The following GPC3 variants were observed in gnomAD, a reference collection of about 807,000 sequenced individuals.
GPC3 encodes glypican 3.
Under a neutral mutation model 34.4 loss-of-function variants are expected in GPC3, and 3 were observed. That is an observed-to-expected ratio of 0.09 (90% CI 0.04 to 0.23). GPC3 has a LOEUF of 0.23. GPC3 is among the 10% of genes least tolerant of loss of function. The pLI is 1.00. For synonymous variants in GPC3, 177 were observed against 174.0 expected (o/e 1.02, Z -0.13); for missense variants, 351 against 445.6 (o/e 0.79, Z 1.91).
intron 6 of GPC3, among the ~76,000 whole-genome samples, chrX:133,598,677 G>C (rs2069948359): frequency 8.9e-6 from 1 of 111,919 alleles, no homozygotes; most frequent in Non-Finnish European, 1.9e-5. Flanking sequence ...TCAACAAGTA[G>C]TTAGTTGCAG....
At chrX:133,796,045 AC>A (rs2075578705) in intron 2 of GPC3, among the ~76,000 whole-genome samples, 1 of 102,114 alleles carries the variant, frequency 9.8e-6, no homozygotes, top group Non-Finnish European at 2.0e-5. Flanking sequence ...TCCCGGGTTC[AC>A]GCCATTCTCC....
intron 2 of GPC3, among the ~76,000 whole-genome samples, chrX:133,868,343 G>A (rs1015113602): frequency 2.7e-5 from 3 of 112,214 alleles, no homozygotes; most frequent in African/African-American, 9.7e-5. Flanking sequence ...CTGTGAGGGG[G>A]ATCAGGGAAC....
intron 2 of GPC3, among the ~76,000 whole-genome samples, chrX:133,829,350 G>T (rs1307432735): frequency 8.9e-6 from 1 of 112,200 alleles, no homozygotes; most frequent in African/African-American, 3.2e-5. Context: ...GAAAGAAATA[G>T]ACAATTCAAC....
intron 2 of GPC3, among the ~76,000 whole-genome samples, chrX:133,889,192 C>T (rs1438272664): frequency 1.8e-5 from 2 of 112,183 alleles, no homozygotes; most frequent in African/African-American, 6.5e-5. Context: ...TTTTTCCCCA[C>T]TTGAATAGCT....
At chrX:133,816,220 T>TA (rs1387291658) in intron 2 of GPC3, among the ~76,000 whole-genome samples, 7 of 110,183 alleles carry the variant, frequency 6.4e-5, no homozygotes, top group South Asian at 4.0e-4. Context: ...GCCTGGCTAG[T>TA]AAAAAAAACA....
At chrX:133,705,605 A>G (rs2071208717) in intron 3 of GPC3, among the ~76,000 whole-genome samples, 1 of 111,711 alleles carries the variant, frequency 9.0e-6, no homozygotes, top group Admixed American at 9.5e-5. Context: ...TGATTCTAAA[A>G]CCTATGTTTT....
chrX:133,571,860 G>A (rs1317148267), intron 7 of GPC3, among the ~76,000 whole-genome samples: 2 of 112,187 alleles, frequency 1.8e-5, no homozygotes, highest in Non-Finnish European at 3.8e-5. Flanking sequence ...CTGTAGTTCT[G>A]TTCTTAATCC....
intron 6 of GPC3, among the ~76,000 whole-genome samples, chrX:133,647,883 G>A (rs1045046511): frequency 4.4e-5 from 5 of 112,530 alleles, no homozygotes; most frequent in Non-Finnish European, 1.9e-5. Context: ...TTGATTAAAA[G>A]TAATAGTTAA....
At chrX:133,584,715 G>A (rs2069768416) in intron 7 of GPC3, among the ~76,000 whole-genome samples, 1 of 111,007 alleles carries the variant, frequency 9.0e-6, no homozygotes, top group South Asian at 3.9e-4. Flanking sequence ...CTATGCTCAA[G>A]TAATCCATCC....
At chrX:133,919,522 G>A (rs1317625164) in intron 2 of GPC3, among the ~76,000 whole-genome samples, 1 of 111,554 alleles carries the variant, frequency 9.0e-6, no homozygotes, top group Non-Finnish European at 1.9e-5. Flanking sequence ...TAAAGGAAGA[G>A]AGGGCTAAGT....
chrX:133,552,416 G>C (rs1468981344), intron 7 of GPC3, among the ~76,000 whole-genome samples: 1 of 111,848 alleles, frequency 8.9e-6, no homozygotes, highest in Non-Finnish European at 1.9e-5. Flanking sequence ...ACTTAGGGAG[G>C]AGGGCTTTAA....
At chrX:133,649,317 T>G (rs1285440531) in intron 6 of GPC3, among the ~76,000 whole-genome samples, 4 of 110,432 alleles carry the variant, frequency 3.6e-5, no homozygotes, top group African/African-American at 1.3e-4. Context: ...TATTTTGCCT[T>G]GTGAATTTCA....
chrX:133,713,905 G>A (rs1157751953), intron 3 of GPC3, among the ~76,000 whole-genome samples: 1 of 111,866 alleles, frequency 8.9e-6, no homozygotes, highest in Non-Finnish European at 1.9e-5. Context: ...ATAATGAAGT[G>A]TGTTAATATT....
At chrX:133,796,147 G>A (rs889904866) in intron 2 of GPC3, among the ~76,000 whole-genome samples, 7 of 109,443 alleles carry the variant, frequency 6.4e-5, no homozygotes, top group Admixed American at 9.7e-5. Context: ...GAGTTTCACC[G>A]TGTTAGCCAG....
At chrX:133,651,301 C>T (rs1374619801) in intron 6 of GPC3, among the ~76,000 whole-genome samples, 2 of 110,020 alleles carry the variant, frequency 1.8e-5, no homozygotes, top group Non-Finnish European at 3.8e-5. Context: ...TTCCATGTCT[C>T]TCCCTCTCCC....
chrX:133,892,281 C>T (rs1364678027), intron 2 of GPC3, among the ~76,000 whole-genome samples: 1 of 111,831 alleles, frequency 8.9e-6, no homozygotes, highest in Non-Finnish European at 1.9e-5. Flanking sequence ...TATCGACAAA[C>T]CCTTCATTGT....
At chrX:133,743,958 A>C (rs1454081176) in intron 3 of GPC3, among the ~76,000 whole-genome samples, 2 of 111,977 alleles carry the variant, frequency 1.8e-5, no homozygotes, top group African/African-American at 6.5e-5. Context: ...CTGGCTAGCC[A>C]TATGTAGAAA....
At chrX:133,601,635 T>C (rs759680299) in intron 6 of GPC3, among the ~76,000 whole-genome samples, 1 of 112,324 alleles carries the variant, frequency 8.9e-6, no homozygotes, top group East Asian at 2.8e-4. Context: ...TAAACAAAAA[T>C]GTAATCATCA....
intron 3 of GPC3, among the ~76,000 whole-genome samples, chrX:133,752,708 A>C (rs2071677880): frequency 8.9e-6 from 1 of 112,189 alleles, no homozygotes; most frequent in Admixed American, 9.5e-5. Context: ...CCCTTCCTCC[A>C]TCACGAATTT....
Sources: gnomAD v4.1 joint callset for allele counts (sites outside exome capture counted in the v4.1 genomes callset) on GRCh38, gnomAD v4.1.1 for gene constraint, MANE v1.5 for transcripts, NCBI Gene and HGNC (gene_info 2026-07-23, HGNC 2026-07-21) for gene names.